The following KHDRBS3 variants were observed in gnomAD, a reference collection of about 807,000 sequenced individuals.
KHDRBS3 encodes KH RNA binding domain containing, signal transduction associated 3, also known as KH domain-containing, RNA-binding, signal transduction-associated protein 3.
Under a neutral mutation model 45.6 loss-of-function variants are expected in KHDRBS3, and 23 were observed. The observed-to-expected ratio is 0.50, with a 90% CI of 0.36 to 0.72. The LOEUF is 0.72. Among genes scored for constraint, KHDRBS3 ranks in the 30% least tolerant of loss-of-function variants. KHDRBS3 has a pLI of 0.00. For missense variants in KHDRBS3, 352 were observed against 424.8 expected, an observed-to-expected ratio of 0.83 and a Z score of 1.51; for synonymous variants, 162 against 156.5, an observed-to-expected ratio of 1.04 and a Z score of -0.26.
chr8:135,547,714 C>T (rs1170280284), intron 3 of KHDRBS3, among the ~76,000 whole-genome samples: 2 of 152,140 alleles, frequency 1.3e-5, no homozygotes, highest in African/African-American at 4.8e-5. Flanking sequence ...GCCAGGAATT[C>T]CTGGGGTTCT....
chr8:135,618,654 G>T (rs1830015372), intron 7 of KHDRBS3, among the ~76,000 whole-genome samples: 1 of 152,050 alleles, frequency 6.6e-6, no homozygotes, highest in Admixed American at 6.6e-5. Context: ...TTTTGACATG[G>T]TTAATCTCCC....
chr8:135,597,449 C>T (rs77965968), intron 6 of KHDRBS3, among the ~76,000 whole-genome samples: 8 of 152,138 alleles, frequency 5.3e-5, no homozygotes, highest in Non-Finnish European at 1.0e-4. Context: ...TTCTCTCCCC[C>T]CTAGTCCCCT....
At chr8:135,616,140 TTC>T (rs1829906516) in intron 7 of KHDRBS3, among the ~76,000 whole-genome samples, 1 of 152,240 alleles carries the variant, frequency 6.6e-6, no homozygotes, top group Admixed American at 6.5e-5. Flanking sequence ...CTCATACATA[TTC>T]TGTCATTTAA....
At chr8:135,574,126 G>A (rs975615869) in intron 5 of KHDRBS3, among the ~76,000 whole-genome samples, 5 of 132,990 alleles carry the variant, frequency 3.8e-5, no homozygotes, top group Non-Finnish European at 8.1e-5. Flanking sequence ...AAAACTTTGC[G>A]ATAAGACAGG....
intron 1 of KHDRBS3, among the ~76,000 whole-genome samples, chr8:135,480,685 A>G (rs908401893): frequency 1.2e-4 from 19 of 152,206 alleles, no homozygotes; most frequent in African/African-American, 3.6e-4. Flanking sequence ...CTTTCCATAA[A>G]GCAATCAATT....
chr8:135,464,601 C>T (rs1259289160), intron 1 of KHDRBS3, among the ~76,000 whole-genome samples: 2 of 152,134 alleles, frequency 1.3e-5, no homozygotes, highest in African/African-American at 4.8e-5. Flanking sequence ...ACAGATAATG[C>T]TTTTGGCTTT....
intron 3 of KHDRBS3, among the ~76,000 whole-genome samples, chr8:135,546,348 A>G (rs79902027): frequency 5.9e-5 from 9 of 152,246 alleles, no homozygotes; most frequent in East Asian, 5.8e-4. Context: ...TAGATTTTCA[A>G]AGTGTTCACT....
At chr8:135,491,784 T>A (rs543251705) in intron 1 of KHDRBS3, among the ~76,000 whole-genome samples, 2 of 152,176 alleles carry the variant, frequency 1.3e-5, no homozygotes, top group African/African-American at 2.4e-5. Context: ...AGCCTTTTTT[T>A]ACTATGTTAA....
intron 7 of KHDRBS3, among the ~76,000 whole-genome samples, chr8:135,639,328 A>G (rs1261433027): frequency 6.6e-6 from 1 of 152,186 alleles, no homozygotes; most frequent in Non-Finnish European, 1.5e-5. Context: ...CTAGAGTGTG[A>G]CGTGGAGGGA....
At chr8:135,594,911 G>A (rs1828907280) in intron 6 of KHDRBS3, among the ~76,000 whole-genome samples, 1 of 152,162 alleles carries the variant, frequency 6.6e-6, no homozygotes, top group African/African-American at 2.4e-5. Flanking sequence ...ACACTTAGAT[G>A]CACTGGAAGA....
At chr8:135,601,661 A>G (rs1385039578) in intron 6 of KHDRBS3, among the ~76,000 whole-genome samples, 1 of 152,198 alleles carries the variant, frequency 6.6e-6, no homozygotes, top group African/African-American at 2.4e-5. Context: ...ACCTTTCAGC[A>G]TATCTGAGCA....
Position 135,607,626 on chromosome 8 carries a change from G to A in KHDRBS3, c.890+589G>A, listed in dbSNP as rs1002751857. On this transcript the variant is annotated intron_variant, in intron 7 of 8. Transcript: ENST00000355849. ...ATTACCTTGATGTTCATTGATACAT[G>A]AACTTAGTGTTTCTTATGTTGAGAA... is the stretch of plus-strand genomic sequence containing the variant. Among the ~76,000 whole-genome samples, 28 of 152,154 alleles carry A rather than the reference G, an allele frequency of 1.8e-4. 1 individual carries two copies.
intron 6 of KHDRBS3, among the ~76,000 whole-genome samples, chr8:135,587,092 C>G (rs995019259): frequency 2.6e-5 from 4 of 152,124 alleles, no homozygotes; most frequent in Non-Finnish European, 2.9e-5. Context: ...TACTGTTAGC[C>G]AAAGTGAGAA....
chr8:135,468,298 C>G (rs1821801644), intron 1 of KHDRBS3, among the ~76,000 whole-genome samples: 1 of 152,134 alleles, frequency 6.6e-6, no homozygotes, highest in Non-Finnish European at 1.5e-5. Flanking sequence ...CCCTAGCCCT[C>G]AAATGAGCCA....
chr8:135,630,850 G>T (rs1363937443), intron 7 of KHDRBS3, among the ~76,000 whole-genome samples: 1 of 152,212 alleles, frequency 6.6e-6, no homozygotes, highest in Non-Finnish European at 1.5e-5. Flanking sequence ...TACTGTGGGT[G>T]AGTGAGTGAG....
chr8:135,540,376 TG>T (rs1223151821), intron 2 of KHDRBS3: 1 of 152,148 alleles, frequency 6.6e-6, no homozygotes, highest in Non-Finnish European at 1.5e-5. Context: ...ACTGTAAAGG[TG>T]GATTTATGGA....
At chr8:135,614,565 A>C (rs1254281071) in intron 7 of KHDRBS3, among the ~76,000 whole-genome samples, 1 of 151,842 alleles carries the variant, frequency 6.6e-6, no homozygotes, top group Non-Finnish European at 1.5e-5. Context: ...AAAAAGTGCT[A>C]ATAGAAATTG....
intron 7 of KHDRBS3, among the ~76,000 whole-genome samples, chr8:135,612,756 A>C (rs1471360119): frequency 1.3e-5 from 2 of 151,760 alleles, no homozygotes; most frequent in East Asian, 3.8e-4. Flanking sequence ...CACAGAGCAG[A>C]GGTAAAAGCT....
At chr8:135,520,953 A>G (rs1338020781) in intron 1 of KHDRBS3, among the ~76,000 whole-genome samples, 2 of 152,208 alleles carry the variant, frequency 1.3e-5, no homozygotes, top group South Asian at 2.1e-4. Context: ...CTAGTTATCC[A>G]GAAGACCTGA....
Sources: gnomAD v4.1 joint callset for allele counts (sites outside exome capture counted in the v4.1 genomes callset) on GRCh38, gnomAD v4.1.1 for gene constraint, MANE v1.5 for transcripts, NCBI Gene and HGNC (gene_info 2026-07-23, HGNC 2026-07-21) for gene names.